ZNF385D: variants seen among roughly 807,000 people sequenced by gnomAD.
ZNF385D encodes zinc finger protein 385D, also known as zinc finger protein 659.
Under a neutral mutation model 35.8 loss-of-function variants are expected in ZNF385D, and 15 were observed. The observed-to-expected ratio is 0.42, with a 90% CI of 0.28 to 0.64. ZNF385D has a LOEUF of 0.64. Ranked by LOEUF, ZNF385D falls within the 30% of genes least tolerant of loss-of-function variation. The pLI, the probability that ZNF385D is intolerant of heterozygous loss-of-function variation, is 0.23. For synonymous variants in ZNF385D, 212 were observed against 186.8 expected (o/e 1.13, Z -1.10); for missense variants, 474 against 494.6 (o/e 0.96, Z 0.39).
chr3:22,286,278 C>T (rs553187978), intron 2 of ZNF385D, among the ~76,000 whole-genome samples: 10 of 152,122 alleles, frequency 6.6e-5, no homozygotes, highest in African/African-American at 9.6e-5. Context: ...TCATGCAAAG[C>T]GTAAGCTAAA....
At chr3:22,087,674 G>C (rs576300358) in intron 3 of ZNF385D, among the ~76,000 whole-genome samples, 3 of 152,116 alleles carry the variant, frequency 2.0e-5, no homozygotes, top group South Asian at 2.1e-4. Context: ...CTTGAAACAA[G>C]AATAAACTTC....
chr3:22,066,057 T>C lies in ZNF385D; in HGVS notation c.325+102760A>G, dbSNP rs542201154. ...ACAACTGAAAGTGACAAAAGAGCTG[T>C]TGTATCTTCCAGAGATGTTGTCAAT... On this transcript the variant is annotated intron_variant, in intron 3 of 5. Coordinates refer to the ZNF385D transcript ENST00000494108. 3.9e-5 allele frequency among the ~76,000 whole-genome samples: 6 copies of C among 152,162 alleles called. No homozygotes were observed. The East Asian group carries it at 7.7e-4, about 20-fold the overall frequency.
rs1390398521 is a variant in ZNF385D, at chr3:22,372,403, G to T, written c.106+47C>A. ...CTAGCTCCTTGCCCGGCGCCCCAAC[G>T]AACTCCGCCACCTGAACCGAGACAC... On this transcript the variant is annotated intron_variant, in intron 2 of 5. Coordinates refer to the ZNF385D transcript ENST00000494108. 4 of 970,754 alleles carry T rather than the reference G, an allele frequency of 4.1e-6. No homozygotes were observed. In the East Asian group the frequency reaches 4.6e-4, roughly 111 times the overall value. The allele number at this position is 970,754 out of a possible 1,614,324, so 60.1% of individuals were successfully genotyped here. A position where few individuals can be genotyped will look rare whatever the true frequency, so the allele number is the denominator to read the frequency against.
intron 3 of ZNF385D, among the ~76,000 whole-genome samples, chr3:21,809,142 G>T (rs2072789427): frequency 6.6e-6 from 1 of 152,042 alleles, no homozygotes; most frequent in African/African-American, 2.4e-5. Flanking sequence ...GTACCAAGAT[G>T]ACATAGATGT....
intron 1 of ZNF385D, among the ~76,000 whole-genome samples, chr3:21,688,679 G>C (rs1033673381): frequency 6.6e-5 from 10 of 152,028 alleles, no homozygotes; most frequent in Admixed American, 5.2e-4. Flanking sequence ...AACTATTGCT[G>C]TCTGATGAAA....
intron 3 of ZNF385D, among the ~76,000 whole-genome samples, chr3:21,820,805 T>C (rs991804120): frequency 6.7e-6 from 1 of 148,938 alleles, no homozygotes; most frequent in Non-Finnish European, 1.5e-5. Flanking sequence ...CTGAGGACAT[T>C]GTGTGTGTCA....
intron 2 of ZNF385D, among the ~76,000 whole-genome samples, chr3:22,329,075 T>TC (rs1482246266): frequency 2.5e-4 from 7 of 28,490 alleles, no homozygotes; most frequent in African/African-American, 7.3e-4. Context: ...AGACTCCGTC[T>TC]CAAAAAAAAA....
intron 1 of ZNF385D, among the ~76,000 whole-genome samples, chr3:21,716,495 C>T (rs949672202): frequency 6.6e-6 from 1 of 152,098 alleles, no homozygotes; most frequent in African/African-American, 2.4e-5. Flanking sequence ...TCTGACATAC[C>T]AGAGACAGTT....
intron 2 of ZNF385D, among the ~76,000 whole-genome samples, chr3:22,292,585 T>C (rs369857217): frequency 7.2e-5 from 11 of 152,186 alleles, no homozygotes; most frequent in African/African-American, 1.2e-4. Flanking sequence ...AATGAAATAA[T>C]TGGAATTTCA....
At chr3:21,925,368 T>G (rs1331389912) in intron 3 of ZNF385D, among the ~76,000 whole-genome samples, 7 of 152,154 alleles carry the variant, frequency 4.6e-5, no homozygotes, top group Non-Finnish European at 1.0e-4. Flanking sequence ...TTAACAAAGA[T>G]GCAAAATTCA....
At chr3:22,095,378 TTC>T (rs569476766) in intron 3 of ZNF385D, among the ~76,000 whole-genome samples, 154 of 152,180 alleles carry the variant, frequency 1.0e-3, no homozygotes, top group African/African-American at 3.4e-3. Context: ...TCATGATTTT[TTC>T]TCTTTTTTCA....
intron 4 of ZNF385D, among the ~76,000 whole-genome samples, chr3:21,447,407 G>T (rs975112569): frequency 6.6e-6 from 1 of 152,116 alleles, no homozygotes; most frequent in African/African-American, 2.4e-5. Context: ...TGTTCCAAGA[G>T]CTTTCAGAGG....
intron 3 of ZNF385D, among the ~76,000 whole-genome samples, chr3:22,019,568 A>C (rs992306102): frequency 1.3e-4 from 20 of 152,062 alleles, no homozygotes; most frequent in East Asian, 3.9e-4. Context: ...TGATCAGACT[A>C]ATTTAAAAAA....
chr3:21,840,042 T>C (rs1695566111), intron 3 of ZNF385D, among the ~76,000 whole-genome samples: 1 of 152,072 alleles, frequency 6.6e-6, no homozygotes. Context: ...AGGACCCTGT[T>C]ATAAGTGGAA....
At chr3:21,929,862 T>C (rs1464164531) in intron 3 of ZNF385D, among the ~76,000 whole-genome samples, 1 of 152,072 alleles carries the variant, frequency 6.6e-6, no homozygotes, top group Non-Finnish European at 1.5e-5. Flanking sequence ...TTTATTAAGA[T>C]GGCAATACTA....
chr3:21,919,833 G>C (rs1700366391), intron 3 of ZNF385D, among the ~76,000 whole-genome samples: 1 of 152,110 alleles, frequency 6.6e-6, no homozygotes, highest in Non-Finnish European at 1.5e-5. Context: ...ACAAAATGTA[G>C]AACTGAATAA....
In ZNF385D at chr3:22,115,298, G is replaced by C. The variant is rs140489983; in HGVS notation, c.325+53519C>G. 5.3e-5 allele frequency among the ~76,000 whole-genome samples: 8 copies of C among 152,166 alleles called. No individual in the cohort carries two copies. The East Asian group carries it at 1.5e-3, about 29-fold the overall frequency. ...AAATTGAAACAGAGACTTTGCCTTT[G>C]TGAAGTTTCCAGTAAAATGGGTAAA... On this transcript the variant is annotated intron_variant, in intron 3 of 5. Coordinates refer to the ZNF385D transcript ENST00000494108.
At chr3:21,690,593 C>T (rs1362177026) in intron 1 of ZNF385D, among the ~76,000 whole-genome samples, 3 of 152,162 alleles carry the variant, frequency 2.0e-5, no homozygotes, top group Non-Finnish European at 4.4e-5. Flanking sequence ...ACAGAGTCCT[C>T]TTTCTTTATC....
intron 3 of ZNF385D, among the ~76,000 whole-genome samples, chr3:22,064,650 C>G (rs1339078071): frequency 8.5e-5 from 13 of 152,212 alleles, no homozygotes; most frequent in Middle Eastern, 3.4e-3. Flanking sequence ...CACAGATGAA[C>G]CTGGAGGACC....
Sources: allele counts gnomAD v4.1 joint callset (sites outside exome capture counted in the v4.1 genomes callset), GRCh38; gene constraint gnomAD v4.1.1; transcripts MANE v1.5; gene names NCBI Gene and HGNC (gene_info 2026-07-23, HGNC 2026-07-21).